Variants in URB2 observed in about 807,000 individuals in gnomAD.
The protein encoded by URB2 is unhealthy ribosome biogenesis protein 2 homolog.
Under a neutral mutation model 120.9 loss-of-function variants are expected in URB2, and 86 were observed. That is an observed-to-expected ratio of 0.71 (90% CI 0.60 to 0.85). The LOEUF is 0.85. Ranked by LOEUF, URB2 falls within the 40% of genes least tolerant of loss-of-function variation. The probability of loss-of-function intolerance (pLI) is 0.00; values close to 1 mark genes in which losing one functional copy is unlikely to be tolerated. For missense variants in URB2, 1,765 were observed against 1,836.5 expected (o/e 0.96, Z 0.71); for synonymous variants, 755 against 758.4 (o/e 1.00, Z 0.07).
intron 2 of URB2, among the ~76,000 whole-genome samples, chr1:229,629,723 T>C (rs899326397): frequency 2.0e-5 from 3 of 152,220 alleles, no homozygotes; most frequent in African/African-American, 7.2e-5. Context: ...CTTCTTAAAA[T>C]AAGACAACAG....
Position 229,651,228 on chromosome 1 carries a change from AT to A in URB2, c.4150-5del. The stretch of plus-strand genomic sequence containing the variant: ...GTACTTTTACATTCTGTTATCTGTC[AT>A]TACAGGTAATGCTGAAAGCCATCCC... On this transcript the variant is annotated splice_region_variant and splice_polypyrimidine_tract_variant and intron_variant, in intron 7 of 9. Transcript: ENST00000258243. The A allele has an allele frequency of 6.3e-7, 1 of 1,599,752 alleles. No individual in the cohort carries two copies. Among genetic ancestry groups the A allele is most frequent in the Non-Finnish European group, 8.5e-7 (1 of 1,175,318 alleles).
chr1:229,637,499 C>G lies in URB2; in HGVS notation c.2886C>G (p.Phe962Leu), dbSNP rs765824411. The change falls in exon 4 of 10, where the codon TTC (phenylalanine) becomes TTG (leucine). Residue 962 changes from phenylalanine to leucine, a missense_variant. Coordinates refer to ENST00000258243, the MANE Select transcript of URB2 (RefSeq NM_014777.4). Reference sequence around the variant, plus strand: ...AGGGGAAAAGTGCTCGCTCTGTGTTCAAGATCATGTATGGTAGTGATATTT... The same window carrying G: ...AGGGGAAAAGTGCTCGCTCTGTGTTGAAGATCATGTATGGTAGTGATATTT... ...LQKGKSARSV[F>L]KIMYGSDIFE... The G allele has an allele frequency of 6.2e-7, 1 of 1,614,200 alleles. No individual in the cohort carries two copies. The highest frequency in any genetic ancestry group is 8.5e-7 in the Non-Finnish European group (1 of 1,180,044).
intron 2 of URB2, among the ~76,000 whole-genome samples, chr1:229,630,735 C>T (rs1358400093): frequency 6.6e-6 from 1 of 152,124 alleles, no homozygotes; most frequent in Admixed American, 6.5e-5. Flanking sequence ...CGCCTGTAAT[C>T]CCAGCACTTT....
In URB2 at chr1:229,638,005, A is replaced by G; in HGVS notation, c.3392A>G (p.His1131Arg). ...CTCTTGGAAGCCGACCTGGGTCAGC[A>G]CTGCAGGGATGGAGGGGCCGACATT... The part of the protein sequence containing the change: ...STLLEADLGQ[H>R]CRDGGADISQ... Residue 1131 changes from histidine to arginine, a missense_variant, in exon 4 of 10, where the codon CAC (histidine) becomes CGC (arginine). Coordinates refer to ENST00000258243, the MANE Select transcript of URB2 (RefSeq NM_014777.4). 1 of 1,613,560 alleles carries G rather than the reference A, an allele frequency of 6.2e-7. No individual in the cohort carries two copies. The highest frequency in any genetic ancestry group is 8.5e-7 in the Non-Finnish European group (1 of 1,179,698).
chr1:229,638,632 C>T (rs115060502), intron 4 of URB2, among the ~76,000 whole-genome samples: 5,871 of 148,918 alleles, frequency 0.039, 164 homozygotes, highest in Non-Finnish European at 0.057. Context: ...GGCGACAGAG[C>T]GAGAGTCTGT....
rs1666164042 is a variant in URB2 at position 229,647,105 on chromosome 1, A to G, written c.3907-405A>G. Among the ~76,000 whole-genome samples the G allele has an allele frequency of 2.0e-5, 3 of 152,200 alleles. No homozygotes were observed. The South Asian group carries it at 6.2e-4, about 32-fold the overall frequency. ...CCCTCACTGATAAGAACACTGGGCT[A>G]GAATCCACTTACGTCCACCCAGAGG... is the stretch of plus-strand genomic sequence containing the variant. On this transcript the variant is annotated intron_variant, in intron 6 of 9. Transcript: ENST00000258243.
At chr1:229,641,776 A>G (rs1378389239) in intron 4 of URB2, among the ~76,000 whole-genome samples, 1 of 152,148 alleles carries the variant, frequency 6.6e-6, no homozygotes, top group Admixed American at 6.5e-5. Flanking sequence ...GTAATCCTGC[A>G]CTTAGGGAGG....
chr1:229,628,841 C>T (rs1248980100), intron 2 of URB2, among the ~76,000 whole-genome samples: 2 of 152,172 alleles, frequency 1.3e-5, no homozygotes, highest in East Asian at 3.9e-4. Context: ...AGGAAGACAG[C>T]ACAAAATGCT....
At chr1:229,630,928 G>A (rs903816819) in intron 2 of URB2, among the ~76,000 whole-genome samples, 1 of 140,546 alleles carries the variant, frequency 7.1e-6, no homozygotes, top group Non-Finnish European at 1.5e-5. Context: ...GTTGCAGTGA[G>A]CCGAGATCGC....
At chr1:229,658,454 G>A (rs915402860) in intron 9 of URB2, among the ~76,000 whole-genome samples, 10 of 152,186 alleles carry the variant, frequency 6.6e-5, no homozygotes, top group Non-Finnish European at 1.3e-4. Flanking sequence ...GGGCTGTTAG[G>A]AATTAAGTGC....
chr1:229,630,997 A>AAG, intron 2 of URB2, among the ~76,000 whole-genome samples: 1 of 151,510 alleles, frequency 6.6e-6, no homozygotes, highest in East Asian at 1.9e-4. Context: ...AAAAAAAAAA[A>AAG]AAAAAAAAGA....
intron 4 of URB2, among the ~76,000 whole-genome samples, chr1:229,638,519 G>A (rs1253420652): frequency 1.3e-5 from 2 of 152,004 alleles, no homozygotes; most frequent in South Asian, 2.1e-4. Context: ...GGTGGCAGGC[G>A]CCTGTAGTCC....
At chr1:229,646,521 C>T (rs1217519368) in intron 6 of URB2, among the ~76,000 whole-genome samples, 1 of 152,140 alleles carries the variant, frequency 6.6e-6, no homozygotes, top group East Asian at 1.9e-4. Flanking sequence ...CTTTCTTTGT[C>T]CCCACAAAAT....
At position 229,636,589 on chromosome 1, in the gene URB2, T is replaced by TA. The variant is rs774178643; in HGVS notation, c.1977dup (p.Glu660ArgfsTer31). 6 of 1,614,064 alleles carry TA rather than the reference T, an allele frequency of 3.7e-6. No homozygotes were observed. Among genetic ancestry groups the TA allele is most frequent in the African/African-American group, 1.3e-5 (1 of 74,930 alleles). ...GTAAAAACACAGCATTGGAAGAAGA[T>TA]AGAGAAGTTTACAGCTCAGTTCAGC... is the stretch of plus-strand genomic sequence containing the variant. On this transcript the variant is annotated frameshift_variant, in exon 4 of 10. Coordinates refer to ENST00000258243, the MANE Select transcript of URB2 (RefSeq NM_014777.4). LOFTEE classifies it high-confidence loss of function.
At chr1:229,640,610 C>T (rs560477985) in intron 4 of URB2, among the ~76,000 whole-genome samples, 5 of 152,234 alleles carry the variant, frequency 3.3e-5, no homozygotes, top group East Asian at 1.9e-4. Context: ...GGTGGGGCCA[C>T]GGGCGTGCCT....
intron 2 of URB2, among the ~76,000 whole-genome samples, chr1:229,629,072 A>C (rs569730449): frequency 6.6e-6 from 1 of 152,352 alleles, no homozygotes; most frequent in African/African-American, 2.4e-5. Flanking sequence ...TCCTTCTGGC[A>C]TCTGTCACTA....
intron 9 of URB2, 140 bp downstream of exon 9, chr1:229,654,528 T>A: frequency 2.4e-6 from 3 of 1,263,116 alleles, no homozygotes; most frequent in Non-Finnish European, 3.3e-6. Flanking sequence ...GGTTTTGCTC[T>A]CTCACTCAGG....
rs753761279 is a variant in URB2, at chr1:229,636,978, G to C, written c.2365G>C (p.Glu789Gln). 3.1e-6 allele frequency: 5 copies of C among 1,613,954 alleles called. No homozygotes were observed. The highest frequency in any genetic ancestry group is 4.2e-6 in the Non-Finnish European group (5 of 1,180,012). ...SIDEEAYITL[E>Q]KISKAFLHSP... ...AGATGAAGAGGCATACATCACACTG[G>C]AAAAAATATCCAAAGCCTTCCTTCA... The change falls in exon 4 of 10, where the codon GAA becomes CAA. Residue 789 changes from glutamate to glutamine, a missense_variant. Glu to Gln is a conservative substitution (Grantham distance 29). Coordinates refer to ENST00000258243, the MANE Select transcript of URB2 (RefSeq NM_014777.4).
intron 4 of URB2, among the ~76,000 whole-genome samples, chr1:229,640,040 GAT>G (rs1264451772): frequency 1.3e-5 from 2 of 152,124 alleles, no homozygotes; most frequent in African/African-American, 4.8e-5. Context: ...AGCTATATAA[GAT>G]ATACATGCGT....
Sources: allele counts gnomAD v4.1 joint callset (sites outside exome capture counted in the v4.1 genomes callset), GRCh38; gene constraint gnomAD v4.1.1; transcripts MANE v1.5; gene names NCBI Gene and HGNC (gene_info 2026-07-23, HGNC 2026-07-21).